Variants in ENOX1 observed in about 807,000 individuals in gnomAD.
ENOX1 encodes ecto-NOX disulfide-thiol exchanger 1.
A neutral mutation model predicts 82.5 loss-of-function variants in ENOX1; 42 were observed. The observed-to-expected ratio is 0.51, with a 90% CI of 0.40 to 0.66. The LOEUF (loss-of-function observed/expected upper bound fraction) is 0.66, where lower values mean the gene tolerates loss of function less well. Ranked by LOEUF, ENOX1 falls within the 30% of genes least tolerant of loss-of-function variation. ENOX1 has a pLI of 0.00. For synonymous variants in ENOX1, 271 were observed against 282.2 expected (o/e 0.96, Z 0.40); for missense variants, 608 against 811.6 (o/e 0.75, Z 3.05).
In ENOX1 at chr13:43,411,960, A is replaced by G. The variant is rs1183790772; in HGVS notation, c.164T>C (p.Leu55Pro). The part of the protein sequence containing the change: ...PTAWATAMNN[L>P]GMVPVGLPGQ... The stretch of plus-strand genomic sequence containing the variant: ...AGGCAACCCTACGGGAACCATGCCC[A>G]GGTTATTCATGGCTGTAGCCCAGGC... Residue 55 changes from leucine to proline, a missense_variant, in exon 5 of 17, where the codon CTG becomes CCG. By Grantham distance (98) the Leu-to-Pro change is moderately conservative (BLOSUM62 -3). Coordinates refer to ENST00000690772, the MANE Select transcript of ENOX1 (RefSeq NM_001347969.2). The G allele has an allele frequency of 1.9e-6, 3 of 1,614,076 alleles. No homozygotes were observed. Among genetic ancestry groups the G allele is most frequent in the Non-Finnish European group, 2.5e-6 (3 of 1,180,032 alleles).
At chr13:43,436,039 G>A (rs2056008425) in intron 3 of ENOX1, among the ~76,000 whole-genome samples, 1 of 152,116 alleles carries the variant, frequency 6.6e-6, no homozygotes, top group South Asian at 2.1e-4. Flanking sequence ...GAGCGTTGGA[G>A]GCTGCTGAAA....
intron 5 of ENOX1, among the ~76,000 whole-genome samples, chr13:43,364,893 G>A (rs2050752014): frequency 6.6e-6 from 1 of 152,194 alleles, no homozygotes; most frequent in African/African-American, 2.4e-5. Flanking sequence ...CTGGGAGAGA[G>A]CCTGGTAGGC....
At chr13:43,556,308 CAG>C (rs1426506723) in intron 2 of ENOX1, among the ~76,000 whole-genome samples, 4 of 151,804 alleles carry the variant, frequency 2.6e-5, no homozygotes, top group African/African-American at 9.7e-5. Context: ...AAACATTTTG[CAG>C]AGATTCATAT....
intron 2 of ENOX1, among the ~76,000 whole-genome samples, chr13:43,503,176 A>AC (rs141684334): frequency 0.02 from 2,990 of 151,800 alleles, 111 homozygotes; most frequent in African/African-American, 0.067. Context: ...AAAGACTTGT[A>AC]CACAAAAACT....
rs758617457 is a variant in ENOX1 at position 43,361,266 on chromosome 13, A to T, written c.382+13T>A. ...TTTAAAATGAGCAAATATTTCTCATAGGCGTTACTTACTTGGATTTTGAGG... is the reference window on the plus strand; with the variant it reads ...TTTAAAATGAGCAAATATTTCTCATTGGCGTTACTTACTTGGATTTTGAGG... On this transcript the variant is annotated intron_variant, in intron 6 of 16. Transcript: ENST00000690772. 6.2e-7 allele frequency: 1 copy of T among 1,606,482 alleles called. No homozygotes were observed. Among genetic ancestry groups the T allele is most frequent in the Admixed American group, 1.7e-5 (1 of 57,960 alleles).
chr13:43,516,328 T>C (rs1328656499), intron 2 of ENOX1, among the ~76,000 whole-genome samples: 1 of 152,138 alleles, frequency 6.6e-6, no homozygotes, highest in Non-Finnish European at 1.5e-5. Flanking sequence ...TGGGAAAGCT[T>C]CTACGGGATC....
chr13:43,456,313 C>T (rs1321203238), intron 3 of ENOX1, among the ~76,000 whole-genome samples: 4 of 151,758 alleles, frequency 2.6e-5, no homozygotes, highest in African/African-American at 9.7e-5. Context: ...CCCTTCATTA[C>T]TCATTTATAT....
rs1240616063 is a variant in ENOX1 at position 43,213,844 on chromosome 13, G to A, written c.*146C>T. ...CACAATTACATTTCCACTTACAAGA[G>A]AACGCCACAGATATAACTAAAGGCA... On this transcript the variant is annotated 3_prime_UTR_variant, in exon 17 of 17. Coordinates refer to ENST00000690772, the MANE Select transcript of ENOX1 (RefSeq NM_001347969.2). 1.3e-6 allele frequency: 1 copy of A among 755,426 alleles called. No homozygotes were observed. Among genetic ancestry groups the A allele is most frequent in the African/African-American group, 1.8e-5 (1 of 56,542 alleles). 46.8% of individuals were successfully genotyped at this position (755,426 alleles called of 1,614,324 possible). A position where few individuals can be genotyped will look rare whatever the true frequency, so the allele number is the denominator to read the frequency against.
rs1379466615 is a variant in ENOX1, at chr13:43,771,923, C to A, written c.-285+14729G>T. Among the ~76,000 whole-genome samples, 8 of 147,320 alleles carry A rather than the reference C, an allele frequency of 5.4e-5. No individual in the cohort carries two copies. The East Asian group carries it at 6.0e-4, about 11-fold the overall frequency. Reference sequence around the variant, plus strand: ...GGGAATACAGGCGCGTCTGCCACCACGCCCGGCTAATTTTTTTTTTTTTTT... The same window carrying A: ...GGGAATACAGGCGCGTCTGCCACCAAGCCCGGCTAATTTTTTTTTTTTTTT... On this transcript the variant is annotated intron_variant, in intron 1 of 16. Transcript: ENST00000690772.
chr13:43,369,462 T>C (rs1358465611), intron 5 of ENOX1, among the ~76,000 whole-genome samples: 2 of 152,258 alleles, frequency 1.3e-5, no homozygotes, highest in African/African-American at 4.8e-5. Flanking sequence ...TGTTTACTCC[T>C]TGCTTTGTGA....
chr13:43,322,800 G>T (rs2047893369), intron 10 of ENOX1, among the ~76,000 whole-genome samples: 1 of 152,150 alleles, frequency 6.6e-6, no homozygotes. Context: ...ACCTAATAGG[G>T]CTGCAAAGAT....
At chr13:43,216,091 G>A (rs1194718152) in intron 16 of ENOX1, among the ~76,000 whole-genome samples, 1 of 152,152 alleles carries the variant, frequency 6.6e-6, no homozygotes, top group Admixed American at 6.5e-5. Context: ...AGCTACTCAG[G>A]AGGCCAAGAG....
At chr13:43,245,687 C>T (rs763430350) in intron 14 of ENOX1, among the ~76,000 whole-genome samples, 3 of 152,160 alleles carry the variant, frequency 2.0e-5, no homozygotes, top group Non-Finnish European at 2.9e-5. Context: ...TCTGCCCTTT[C>T]CCAGCAGCCT....
chr13:43,445,941 T>C (rs2056629064), intron 3 of ENOX1, among the ~76,000 whole-genome samples: 1 of 152,164 alleles, frequency 6.6e-6, no homozygotes, highest in African/African-American at 2.4e-5. Context: ...TCCCTTTTCA[T>C]TGCTTTCTTT....
intron 1 of ENOX1, among the ~76,000 whole-genome samples, chr13:43,717,492 A>T (rs1259192648): frequency 2.0e-5 from 3 of 152,222 alleles, no homozygotes; most frequent in African/African-American, 7.2e-5. Context: ...CAAAGAATTT[A>T]TGGCTAAGTT....
At chr13:43,663,227 C>A (rs1250229217) in intron 2 of ENOX1, among the ~76,000 whole-genome samples, 1 of 152,178 alleles carries the variant, frequency 6.6e-6, no homozygotes, top group African/African-American at 2.4e-5. Context: ...CTGCAAGGAG[C>A]AGGATGAACT....
chr13:43,444,260 G>A (rs920309994), intron 3 of ENOX1, among the ~76,000 whole-genome samples: 2 of 152,188 alleles, frequency 1.3e-5, no homozygotes, highest in Non-Finnish European at 2.9e-5. Context: ...CAGGGTCTGC[G>A]AGGAATTTGC....
chr13:43,318,597 A>G (rs1191222044), intron 11 of ENOX1, among the ~76,000 whole-genome samples: 2 of 152,218 alleles, frequency 1.3e-5, no homozygotes, highest in African/African-American at 4.8e-5. Context: ...ATTAGAGCAA[A>G]TGTTCTCAGG....
chr13:43,400,938 C>G (rs79002169), intron 5 of ENOX1, among the ~76,000 whole-genome samples: 5,664 of 152,278 alleles, frequency 0.037, 145 homozygotes, highest in South Asian at 0.091. Flanking sequence ...GCAGATAGAC[C>G]TGGTTATCAA....
Sources: allele counts gnomAD v4.1 joint callset (sites outside exome capture counted in the v4.1 genomes callset), GRCh38; gene constraint gnomAD v4.1.1; transcripts MANE v1.5; gene names NCBI Gene and HGNC (gene_info 2026-07-23, HGNC 2026-07-21).